Variants in KCNMA1 observed in about 807,000 individuals in gnomAD.
KCNMA1 encodes Calcium-activated potassium channel subunit alpha-1.
A neutral mutation model predicts 140.0 loss-of-function variants in KCNMA1; 29 were observed. The observed-to-expected ratio is 0.21, with a 90% CI of 0.15 to 0.28. The LOEUF (loss-of-function observed/expected upper bound fraction) is 0.28, where lower values mean the gene tolerates loss of function less well. KCNMA1 is among the 10% of genes least tolerant of loss of function. The pLI, the probability that KCNMA1 is intolerant of heterozygous loss-of-function variation, is 1.00. For synonymous variants in KCNMA1, 612 were observed against 611.9 expected (o/e 1.00, Z 0.00); for missense variants, 880 against 1,602.2 (o/e 0.55, Z 7.70).
intron 2 of KCNMA1, chr10:77,355,214 C>T: frequency 6.3e-6 from 1 of 159,702 alleles, no homozygotes; most frequent in Non-Finnish European, 1.4e-5. Context: ...GAGGCCTCCC[C>T]AGCCATGTGG....
At chr10:77,612,244 G>A (rs554286106) in intron 1 of KCNMA1, among the ~76,000 whole-genome samples, 72 of 152,332 alleles carry the variant, frequency 4.7e-4, no homozygotes, top group African/African-American at 1.4e-3. Flanking sequence ...TCATGGTCAC[G>A]AAACTGGCTG....
At chr10:76,987,672 A>G (rs2081641828) in intron 19 of KCNMA1, among the ~76,000 whole-genome samples, 1 of 152,224 alleles carries the variant, frequency 6.6e-6, no homozygotes, top group Non-Finnish European at 1.5e-5. Context: ...GCAGAGAGGA[A>G]AAGAATCACA....
At chr10:77,048,771 G>GT (rs2095231297) in intron 14 of KCNMA1, among the ~76,000 whole-genome samples, 2 of 151,962 alleles carry the variant, frequency 1.3e-5, no homozygotes, top group South Asian at 2.1e-4. Context: ...TGACTTTTTT[G>GT]TTTTTTTGAG....
chr10:77,007,467 ATACT>A (rs2089234554), intron 18 of KCNMA1, among the ~76,000 whole-genome samples: 1 of 151,984 alleles, frequency 6.6e-6, no homozygotes, highest in African/African-American at 2.4e-5. Flanking sequence ...GACAATTGAG[ATACT>A]TACAGTCCCA....
At chr10:76,910,539 G>A (rs2049737733) in intron 24 of KCNMA1, 1 of 284,914 alleles carries the variant, frequency 3.5e-6, no homozygotes, top group South Asian at 3.8e-5. Context: ...AAGAGCGCTG[G>A]AAGGGGAGCA....
chr10:76,981,899 A>G (rs931199238), intron 19 of KCNMA1, among the ~76,000 whole-genome samples: 4 of 152,194 alleles, frequency 2.6e-5, no homozygotes, highest in African/African-American at 4.8e-5. Context: ...AAAGTTCCCA[A>G]TAAATAGCTC....
chr10:77,101,308 AG>A (rs1405813577), intron 9 of KCNMA1, among the ~76,000 whole-genome samples: 1 of 152,194 alleles, frequency 6.6e-6, no homozygotes, highest in African/African-American at 2.4e-5. Context: ...ATTTTTCCAA[AG>A]TATTAGGGCA....
chr10:77,410,433 T>C (rs2096593505), intron 1 of KCNMA1, among the ~76,000 whole-genome samples: 1 of 152,232 alleles, frequency 6.6e-6, no homozygotes, highest in Non-Finnish European at 1.5e-5. Flanking sequence ...CCCTGCTGCC[T>C]GCCTAGAGCC....
At chr10:77,427,429 C>G (rs2097032608) in intron 1 of KCNMA1, among the ~76,000 whole-genome samples, 1 of 152,226 alleles carries the variant, frequency 6.6e-6, no homozygotes, top group South Asian at 2.1e-4. Flanking sequence ...GGGGCACTAT[C>G]AATATGCACC....
intron 1 of KCNMA1, among the ~76,000 whole-genome samples, chr10:77,611,831 G>A (rs1022679172): frequency 6.6e-6 from 1 of 152,176 alleles, no homozygotes; most frequent in Non-Finnish European, 1.5e-5. Context: ...GCGAGGTACT[G>A]TGTGCTCAGA....
chr10:76,918,945 C>CAG (rs1370806982), intron 23 of KCNMA1, among the ~76,000 whole-genome samples: 1 of 149,476 alleles, frequency 6.7e-6, no homozygotes, highest in Non-Finnish European at 1.5e-5. Context: ...CACACACACA[C>CAG]ACATATATAT....
intron 2 of KCNMA1, among the ~76,000 whole-genome samples, chr10:77,269,376 A>G (rs764441808): frequency 2.0e-5 from 3 of 152,172 alleles, no homozygotes; most frequent in Non-Finnish European, 4.4e-5. Flanking sequence ...GGTCTGATGA[A>G]CAGCTTAGAA....
At chr10:77,493,202 A>G (rs908168415) in intron 1 of KCNMA1, among the ~76,000 whole-genome samples, 1 of 152,192 alleles carries the variant, frequency 6.6e-6, no homozygotes, top group African/African-American at 2.4e-5. Context: ...AGATCAGGAG[A>G]CCCTGGCCCC....
chr10:77,154,774 G>GT (rs1564860746), intron 5 of KCNMA1, among the ~76,000 whole-genome samples: 1 of 152,224 alleles, frequency 6.6e-6, no homozygotes, highest in African/African-American at 2.4e-5. Flanking sequence ...TCACAAGTAG[G>GT]TTACGGCCTA....
chr10:77,565,072 C>G (rs1463600241), intron 1 of KCNMA1, among the ~76,000 whole-genome samples: 15 of 152,204 alleles, frequency 9.9e-5, no homozygotes, highest in Admixed American at 9.8e-4. Context: ...TCTGGGAGCA[C>G]CCATCTCTGT....
chr10:77,219,198 G>A lies in KCNMA1; in HGVS notation c.602+31997C>T, dbSNP rs536041374. Among the ~76,000 whole-genome samples, 8 of 152,136 alleles carry A rather than the reference G, an allele frequency of 5.3e-5. No individual in the cohort carries two copies. In the South Asian group the frequency reaches 1.7e-3, roughly 32 times the overall value. On this transcript the variant is annotated intron_variant, in intron 3 of 27. Transcript: ENST00000286628. Reference sequence around the variant, plus strand: ...ATTCACTTTACCCTTTAGACCACAGGGCTTAGAAAGGAATGTTGTTTTTGT... The same window carrying A: ...ATTCACTTTACCCTTTAGACCACAGAGCTTAGAAAGGAATGTTGTTTTTGT...
intron 1 of KCNMA1, among the ~76,000 whole-genome samples, chr10:77,451,483 C>G (rs1021942085): frequency 1.1e-4 from 16 of 152,134 alleles, no homozygotes; most frequent in African/African-American, 3.4e-4. Flanking sequence ...TGTACCAACT[C>G]AAATCCCAGG....
chr10:77,407,026 C>T (rs2096491774), intron 1 of KCNMA1, among the ~76,000 whole-genome samples: 1 of 152,136 alleles, frequency 6.6e-6, no homozygotes, highest in South Asian at 2.1e-4. Context: ...GCAGATAATG[C>T]TATTTCGCCA....
At chr10:76,992,679 T>C (rs1191883137) in intron 19 of KCNMA1, among the ~76,000 whole-genome samples, 1 of 152,130 alleles carries the variant, frequency 6.6e-6, no homozygotes, top group Admixed American at 6.5e-5. Flanking sequence ...CCATGCAGTT[T>C]TAATGACCCC....
Sources: allele counts gnomAD v4.1 joint callset (sites outside exome capture counted in the v4.1 genomes callset), GRCh38; gene constraint gnomAD v4.1.1; transcripts MANE v1.5; gene names NCBI Gene and HGNC (gene_info 2026-07-23, HGNC 2026-07-21).